The following CAMK2A variants were observed in gnomAD, a reference collection of about 807,000 sequenced individuals.
CAMK2A encodes the protein calcium/calmodulin dependent protein kinase II alpha.
CAMK2A carries 7 observed loss-of-function variants against 79.2 expected under a neutral mutation model. The ratio of observed to expected loss-of-function variants is 0.09; its 90% CI spans 0.05 to 0.17. The LOEUF is 0.17. Among genes scored for constraint, CAMK2A ranks in the 10% least tolerant of loss-of-function variants. The pLI is 1.00. For missense variants in CAMK2A, 214 were observed against 646.4 expected (o/e 0.33, Z 7.25); for synonymous variants, 242 against 251.7 (o/e 0.96, Z 0.36).
In CAMK2A at chr5:150,222,177, G is replaced by A. The variant is rs140231558; in HGVS notation, c.*533C>T. On this transcript the variant is annotated 3_prime_UTR_variant, in exon 19 of 19. Coordinates refer to ENST00000671881, the MANE Select transcript of CAMK2A (RefSeq NM_015981.4). The stretch of plus-strand genomic sequence containing the variant: ...AGCACAGGAGGAAGAAGACTTAGGG[G>A]AGCACTTTGAGGCAGGAGGCTCCTG... The A allele has an allele frequency of 3.4e-3, 1,233 of 360,422 alleles. 3 individuals are homozygous for A. Among genetic ancestry groups the A allele is most frequent in the Middle Eastern group, 0.015 (17 of 1,148 alleles). 22.3% of individuals were successfully genotyped at this position (360,422 alleles called of 1,614,324 possible). A position where few individuals can be genotyped will look rare whatever the true frequency, so the allele number is the denominator to read the frequency against.
In CAMK2A at chr5:150,222,617, C is replaced by T; in HGVS notation, c.*93G>A. On this transcript the variant is annotated 3_prime_UTR_variant, in exon 19 of 19. Coordinates refer to ENST00000671881, the MANE Select transcript of CAMK2A (RefSeq NM_015981.4). ...GGTGGGGTGATGACATGGGAGAATT[C>T]CAGCAAAATCCACCTGGGAGAACCA... 7.0e-7 allele frequency: 1 copy of T among 1,421,274 alleles called. No homozygotes were observed. The highest frequency in any genetic ancestry group is 1.2e-5 in the South Asian group (1 of 86,518). The allele number at this position is 1,421,274 out of a possible 1,614,324, so 88.0% of individuals were successfully genotyped here. A position where few individuals can be genotyped will look rare whatever the true frequency, so the allele number is the denominator to read the frequency against.
chr5:150,288,509 G>A (rs1757527174), intron 1 of CAMK2A, among the ~76,000 whole-genome samples: 1 of 152,090 alleles, frequency 6.6e-6, no homozygotes, highest in Non-Finnish European at 1.5e-5. Flanking sequence ...TCCCTCAAAA[G>A]CCCTTCTACA....
chr5:150,231,031 G>A (rs1237495498), intron 16 of CAMK2A, among the ~76,000 whole-genome samples: 1 of 152,190 alleles, frequency 6.6e-6, no homozygotes, highest in African/African-American at 2.4e-5. Context: ...GGGAAGCAAG[G>A]GAGTTTTGTT....
At chr5:150,252,812 T>C (rs940592484) in intron 7 of CAMK2A, among the ~76,000 whole-genome samples, 75 of 152,318 alleles carry the variant, frequency 4.9e-4, no homozygotes, top group African/African-American at 1.7e-3. Flanking sequence ...ATTTTACAGA[T>C]GAGGAACGAA....
intron 3 of CAMK2A, among the ~76,000 whole-genome samples, chr5:150,261,368 T>C (rs1054844204): frequency 3.9e-4 from 59 of 152,136 alleles, no homozygotes; most frequent in Non-Finnish European, 7.4e-5. Flanking sequence ...CTTCCATCAG[T>C]GGAGGCTGCC....
intron 13 of CAMK2A, among the ~76,000 whole-genome samples, chr5:150,244,702 G>A (rs1163635622): frequency 1.3e-5 from 2 of 152,160 alleles, no homozygotes; most frequent in South Asian, 4.1e-4. Context: ...AAGAGGAATG[G>A]CTGTCCATCC....
intron 2 of CAMK2A, among the ~76,000 whole-genome samples, chr5:150,267,873 GC>G (rs1333902198): frequency 4.8e-5 from 7 of 144,458 alleles, no homozygotes; most frequent in African/African-American, 1.8e-4. Context: ...CAGCCAAGGA[GC>G]TTTTTTTTTT....
At chr5:150,289,481 G>T in intron 1 of CAMK2A, 83 bp downstream of exon 1, 1 of 1,035,330 alleles carries the variant, frequency 9.7e-7, no homozygotes, top group Non-Finnish European at 1.5e-6. Flanking sequence ...TGCTCCCCAA[G>T]CACTGCAGGC....
At chr5:150,258,535 T>C (rs1361095783) in intron 3 of CAMK2A, among the ~76,000 whole-genome samples, 4 of 152,226 alleles carry the variant, frequency 2.6e-5, no homozygotes, top group East Asian at 1.9e-4. Context: ...AAAAGCAAAG[T>C]GCAAAACAGT....
rs1580910775 is a variant in CAMK2A, at chr5:150,241,450, T to C, written c.985-1714A>G. The stretch of plus-strand genomic sequence containing the variant: ...CCCTCCCCTCCCCTCCTCTCTCTTT[T>C]ACTCCGTTCCCTCGCCCTCCCCTCT... On this transcript the variant is annotated intron_variant, in intron 13 of 18. Transcript: ENST00000671881. 2.2e-5 allele frequency among the ~76,000 whole-genome samples: 3 copies of C among 137,864 alleles called. No homozygotes were observed. The South Asian group carries it at 7.9e-4, about 36-fold the overall frequency. The allele number at this position is 137,864 out of a possible 152,430, so 90.4% of individuals were successfully genotyped here.
intron 15 of CAMK2A, among the ~76,000 whole-genome samples, chr5:150,237,511 A>C (rs1755135813): frequency 6.6e-6 from 1 of 152,038 alleles, no homozygotes; most frequent in South Asian, 2.1e-4. Flanking sequence ...AGAAGTCAGC[A>C]ATCCCTGCCC....
At position 150,221,231 on chromosome 5, in the gene CAMK2A, A is replaced by G; in HGVS notation, c.*1479T>C. On this transcript the variant is annotated 3_prime_UTR_variant, in exon 19 of 19. Transcript: ENST00000671881. ...TAAAGTCATGCAAAGAAAACAGTGC[A>G]GACAGTAGATCCTAGTGGATGTGCC... is the stretch of plus-strand genomic sequence containing the variant. 2.5e-6 allele frequency: 1 copy of G among 395,062 alleles called. No individual in the cohort carries two copies. The allele number at this position is 395,062 out of a possible 1,614,324, so 24.5% of individuals were successfully genotyped here. A position where few individuals can be genotyped will look rare whatever the true frequency, so the allele number is the denominator to read the frequency against.
intron 1 of CAMK2A, among the ~76,000 whole-genome samples, chr5:150,286,377 A>G (rs952411017): frequency 6.6e-6 from 1 of 152,172 alleles, no homozygotes; most frequent in South Asian, 2.1e-4. Flanking sequence ...GCTGCCCACC[A>G]GGGCTGGAGA....
rs566070469 is a variant in CAMK2A, at chr5:150,277,450, G to A, written c.63-4291C>T. On this transcript the variant is annotated intron_variant, in intron 1 of 18. Transcript: ENST00000671881. ...GGGCTCTGCACAGGGAGGCCTGACA[G>A]GCCCCATGAGCCTGGGCTCTGGCTC... 2.6e-5 allele frequency among the ~76,000 whole-genome samples: 4 copies of A among 152,360 alleles called. 1 individual carries two copies. In the South Asian group the frequency reaches 8.3e-4, roughly 32 times the overall value.
chr5:150,258,417 G>A (rs1287199767), intron 3 of CAMK2A, among the ~76,000 whole-genome samples: 2 of 152,246 alleles, frequency 1.3e-5, no homozygotes, highest in Non-Finnish European at 2.9e-5. Context: ...TGCTGGCTCA[G>A]TGAATGACGA....
rs543609881 is a variant in CAMK2A at position 150,256,134 on chromosome 5, G to A, written c.411+439C>T. Among the ~76,000 whole-genome samples, 2 of 152,190 alleles carry A rather than the reference G, an allele frequency of 1.3e-5. No individual in the cohort carries two copies. The highest frequency in any genetic ancestry group is 2.9e-5 in the Non-Finnish European group (2 of 68,042). ...AATGCATCTGTATACCAGGCCCCGT[G>A]CTATCTCATTTCATATCCTCACCAA... On this transcript the variant is annotated intron_variant, in intron 6 of 18. Coordinates refer to ENST00000671881, the MANE Select transcript of CAMK2A (RefSeq NM_015981.4). This position sits in a 1 kb window ranked among gnomAD's most constrained non-coding sequence, Gnocchi z 4.6.
chr5:150,289,634 T>C lies in CAMK2A; in HGVS notation c.-9A>G. 2.5e-6 allele frequency: 4 copies of C among 1,613,096 alleles called. No homozygotes were observed. Among genetic ancestry groups the C allele is most frequent in the Non-Finnish European group, 3.4e-6 (4 of 1,179,302 alleles). ...CAGGTGATGGTGGCCATCCTGGCGC[T>C]GGGCAGGCAGGTGAGGCTTGGGACT... On this transcript the variant is annotated 5_prime_UTR_variant, in exon 1 of 19. Transcript: ENST00000671881.
chr5:150,260,779 TC>T (rs1187768935), intron 3 of CAMK2A, among the ~76,000 whole-genome samples: 1 of 152,244 alleles, frequency 6.6e-6, no homozygotes, highest in Non-Finnish European at 1.5e-5. Flanking sequence ...GTATTTGTCT[TC>T]TCATTTATCT....
intron 7 of CAMK2A, 64 bp from the exon 8 acceptor site, chr5:150,252,129 C>A: frequency 8.1e-7 from 1 of 1,229,962 alleles, no homozygotes; most frequent in Non-Finnish European, 1.2e-6. Context: ...TAACCTGGAG[C>A]AAGATCCTGC....
Sources: gnomAD v4.1 joint callset for allele counts (sites outside exome capture counted in the v4.1 genomes callset) on GRCh38, gnomAD v4.1.1 for gene constraint, Gnocchi (gnomAD v3.1) non-coding constraint, MANE v1.5 for transcripts, NCBI Gene and HGNC (gene_info 2026-07-23, HGNC 2026-07-21) for gene names.